PARD3: variants seen among roughly 807,000 people sequenced by gnomAD.
The protein encoded by PARD3 is partitioning defective 3 homolog.
In PARD3, 75 loss-of-function variants were observed where a neutral mutation model predicts 155.4. The ratio of observed to expected loss-of-function variants is 0.48; its 90% CI spans 0.40 to 0.58. The LOEUF is 0.58. PARD3 is among the 20% of genes least tolerant of loss of function. The probability of loss-of-function intolerance (pLI) is 0.00; values close to 1 mark genes in which losing one functional copy is unlikely to be tolerated. For synonymous variants in PARD3, 576 were observed against 610.5 expected (o/e 0.94, Z 0.83); for missense variants, 1,642 against 1,721.7 (o/e 0.95, Z 0.82).
chr10:34,766,801 G>A (rs1185594403), intron 1 of PARD3, among the ~76,000 whole-genome samples: 3 of 152,126 alleles, frequency 2.0e-5, no homozygotes, highest in East Asian at 3.9e-4. Context: ...GCAGGAACGT[G>A]GTGTAAGGCA....
intron 22 of PARD3, among the ~76,000 whole-genome samples, chr10:34,152,430 G>C (rs2132971771): frequency 6.6e-6 from 1 of 152,312 alleles, no homozygotes; most frequent in East Asian, 1.9e-4. Context: ...GAATACTGCA[G>C]GCAATTGGAA....
At chr10:34,617,204 G>A (rs1445671874) in intron 2 of PARD3, among the ~76,000 whole-genome samples, 9 of 151,854 alleles carry the variant, frequency 5.9e-5, no homozygotes, top group Admixed American at 2.0e-4. Flanking sequence ...GCAGTGAGCC[G>A]AGATCACGCA....
chr10:34,400,542 A>G (rs570630962), intron 6 of PARD3, among the ~76,000 whole-genome samples: 2 of 152,316 alleles, frequency 1.3e-5, no homozygotes, highest in Non-Finnish European at 2.9e-5. Flanking sequence ...CAGTACTTCA[A>G]TTAAACATCT....
chr10:34,404,663 T>C (rs1307457291), intron 5 of PARD3, among the ~76,000 whole-genome samples: 1 of 152,104 alleles, frequency 6.6e-6, no homozygotes, highest in African/African-American at 2.4e-5. Context: ...CATTAAGAGC[T>C]TGGGTTCAAG....
intron 1 of PARD3, among the ~76,000 whole-genome samples, chr10:34,771,319 T>C (rs7080745): frequency 0.12 from 17,500 of 152,152 alleles, 1,031 homozygotes; most frequent in East Asian, 0.14. Flanking sequence ...TCAACATTGC[T>C]CAGCCTCCCC....
At chr10:34,694,132 A>G (rs2496739) in intron 2 of PARD3, among the ~76,000 whole-genome samples, 112,215 of 150,148 alleles carry the variant, frequency 0.75, 43,395 homozygotes, top group African/African-American at 0.94. Flanking sequence ...CAAGAGAGAG[A>G]GACTGAGAAA....
At chr10:34,497,404 AC>A (rs1424446413) in intron 3 of PARD3, among the ~76,000 whole-genome samples, 1 of 152,198 alleles carries the variant, frequency 6.6e-6, no homozygotes, top group Non-Finnish European at 1.5e-5. Flanking sequence ...GCAAACTATT[AC>A]ACAATTTTAA....
chr10:34,349,343 A>G (rs948520009), intron 14 of PARD3, among the ~76,000 whole-genome samples: 6 of 152,162 alleles, frequency 3.9e-5, no homozygotes, highest in African/African-American at 9.7e-5. Context: ...CACAATTACA[A>G]TTGGAGGCAC....
intron 2 of PARD3, among the ~76,000 whole-genome samples, chr10:34,605,180 A>ATTTTTTTTTTTTTTT (rs750688603): frequency 7.5e-4 from 47 of 62,476 alleles, no homozygotes; most frequent in African/African-American, 2.4e-3. Flanking sequence ...CCAAAATGAA[A>ATTTTTTTTTTTTTTT]TTTTTTTTTT....
At chr10:34,346,322 AT>A in intron 15 of PARD3, 2 of 1,266,064 alleles carry the variant, frequency 1.6e-6, no homozygotes, top group South Asian at 1.4e-5. Flanking sequence ...GAATTTAGGG[AT>A]TTTTTTGGTT....
At chr10:34,652,280 A>G (rs1220419949) in intron 2 of PARD3, among the ~76,000 whole-genome samples, 1 of 152,220 alleles carries the variant, frequency 6.6e-6, no homozygotes, top group Admixed American at 6.5e-5. Context: ...TTGCTGGTCC[A>G]CTACCAGTCA....
chr10:34,452,373 G>T (rs1266234404), intron 4 of PARD3, among the ~76,000 whole-genome samples: 1 of 152,136 alleles, frequency 6.6e-6, no homozygotes, highest in Non-Finnish European at 1.5e-5. Context: ...AACAGAATTA[G>T]AAATATGACC....
intron 21 of PARD3, among the ~76,000 whole-genome samples, chr10:34,278,605 G>A (rs1020326015): frequency 6.6e-5 from 10 of 152,014 alleles, no homozygotes; most frequent in Non-Finnish European, 1.3e-4. Flanking sequence ...TTTATAAGGG[G>A]CATCCCCCTT....
intron 1 of PARD3, among the ~76,000 whole-genome samples, chr10:34,769,799 C>CA (rs372925164): frequency 0.46 from 30,209 of 65,930 alleles, 3,932 homozygotes; most frequent in East Asian, 0.64. Context: ...AACAAAAAAA[C>CA]AAAACAAAAA....
chr10:34,158,197 A>G (rs1268781093), intron 22 of PARD3, among the ~76,000 whole-genome samples: 1 of 152,160 alleles, frequency 6.6e-6, no homozygotes, highest in East Asian at 1.9e-4. Context: ...TGGACAATGA[A>G]GCAAGACTTC....
chr10:34,663,516 C>T (rs1414633707), intron 2 of PARD3, among the ~76,000 whole-genome samples: 1 of 152,128 alleles, frequency 6.6e-6, no homozygotes, highest in African/African-American at 2.4e-5. Flanking sequence ...GGTTATTAGT[C>T]ATCACATGCC....
At chr10:34,321,930 A>G (rs1174915948) in intron 19 of PARD3, among the ~76,000 whole-genome samples, 1 of 152,098 alleles carries the variant, frequency 6.6e-6, no homozygotes, top group East Asian at 1.9e-4. Context: ...GTCAAGGTTG[A>G]CTCAAAGCCT....
chr10:34,241,307 C>T (rs1182085571), intron 22 of PARD3, among the ~76,000 whole-genome samples: 3 of 152,014 alleles, frequency 2.0e-5, no homozygotes, highest in South Asian at 2.1e-4. Context: ...AGGGCAGGGG[C>T]ACTAGCAGCC....
At chr10:34,229,367 G>A (rs1808241950) in intron 22 of PARD3, among the ~76,000 whole-genome samples, 1 of 151,970 alleles carries the variant, frequency 6.6e-6, no homozygotes, top group Non-Finnish European at 1.5e-5. Context: ...CTACAGGTGT[G>A]TACCACTATG....
Sources: gnomAD v4.1 joint callset for allele counts (sites outside exome capture counted in the v4.1 genomes callset) on GRCh38, gnomAD v4.1.1 for gene constraint, MANE v1.5 for transcripts, NCBI Gene and HGNC (gene_info 2026-07-23, HGNC 2026-07-21) for gene names.